Variants in SORCS2 observed in about 807,000 individuals in gnomAD.
SORCS2 encodes the protein sortilin related VPS10 domain containing receptor 2.
A neutral mutation model predicts 141.6 loss-of-function variants in SORCS2; 100 were observed. The observed-to-expected ratio is 0.71, with a 90% confidence interval of 0.60 to 0.83. The LOEUF (loss-of-function observed/expected upper bound fraction) is 0.83, where lower values mean the gene tolerates loss of function less well. SORCS2 is among the 40% of genes least tolerant of loss of function. The probability of loss-of-function intolerance (pLI) is 0.00; values close to 1 mark genes in which losing one functional copy is unlikely to be tolerated. For missense variants in SORCS2, 1,646 were observed against 1,560.2 expected, an observed-to-expected ratio of 1.05 and a Z score of -0.93; for synonymous variants, 789 against 676.9, an observed-to-expected ratio of 1.17 and a Z score of -2.57.
At chr4:7,302,754 G>T (rs1445104302) in intron 1 of SORCS2, among the ~76,000 whole-genome samples, 1 of 97,466 alleles carries the variant, frequency 1.0e-5, no homozygotes, top group African/African-American at 3.2e-5. Context: ...CCGGCATCTA[G>T]TAGACAGTCC....
intron 19 of SORCS2, among the ~76,000 whole-genome samples, chr4:7,724,150 G>GGTGATGGTGATGGTGGTGATA (rs1553808164): frequency 2.1e-4 from 29 of 135,394 alleles, no homozygotes; most frequent in African/African-American, 9.3e-4. Flanking sequence ...TGATGGTCGT[G>GGTGATGGTGATGGTGGTGATA]GTGGTGGTGG....
At chr4:7,724,852 AGTG>A in intron 19 of SORCS2, among the ~76,000 whole-genome samples, 1 of 68,842 alleles carries the variant, frequency 1.5e-5, no homozygotes, top group African/African-American at 6.5e-5. Context: ...TGATGGTGGT[AGTG>A]GTGATGGTGG....
rs373567367 is a variant in SORCS2 at position 7,737,108 on chromosome 4, C to T, written c.3351C>T (p.Asn1117=). Reference sequence around the variant, plus strand: ...GGACCGTGTACGCCCAAATGCACAACGAGAAGGAGCAGGAGATGACCAGCC... The same window carrying T: ...GGACCGTGTACGCCCAAATGCACAATGAGAAGGAGCAGGAGATGACCAGCC... ...PGRTVYAQMH[N]EKEQEMTSPV... is the part of the protein sequence containing the mutation. Residue 1117 remains asparagine (N), a synonymous_variant, in exon 26 of 27, where the codon AAC becomes AAT. Transcript: ENST00000507866. 142 of 1,551,290 alleles carry T rather than the reference C, an allele frequency of 9.2e-5. 1 individual carries two copies. The highest frequency in any genetic ancestry group is 1.1e-4 in the Non-Finnish European group (131 of 1,146,938).
At position 7,697,286 on chromosome 4, in the gene SORCS2, G is replaced by T. The variant is rs1724773476; in HGVS notation, c.1668+12G>T. The T allele has an allele frequency of 6.3e-7, 1 of 1,576,814 alleles. No individual in the cohort carries two copies. Among genetic ancestry groups the T allele is most frequent in the South Asian group, 1.2e-5 (1 of 85,640 alleles). ...ACACCTGGCGGCAGGTAAGCTGGCT[G>T]GGAGGTGCCTGGTACCCCCCACCCC... On this transcript the variant is annotated intron_variant, in intron 12 of 26. Transcript: ENST00000507866.
At chr4:7,260,853 G>C (rs527877918) in intron 1 of SORCS2, among the ~76,000 whole-genome samples, 2 of 152,190 alleles carry the variant, frequency 1.3e-5, no homozygotes, top group Non-Finnish European at 2.9e-5. Context: ...GCTGCTGCTC[G>C]TGTTCTTACA....
At chr4:7,355,598 G>A (rs767382656) in intron 1 of SORCS2, among the ~76,000 whole-genome samples, 13 of 152,188 alleles carry the variant, frequency 8.5e-5, no homozygotes, top group South Asian at 6.2e-4. Context: ...GTGTGGGTCC[G>A]AGGGAGAGAG....
chr4:7,280,321 A>G (rs1394025794), intron 1 of SORCS2, among the ~76,000 whole-genome samples: 1 of 152,214 alleles, frequency 6.6e-6, no homozygotes, highest in Non-Finnish European at 1.5e-5. Flanking sequence ...ATTTAAAAAA[A>G]TGACTGCACT....
At chr4:7,359,195 C>T (rs1577442555) in intron 1 of SORCS2, among the ~76,000 whole-genome samples, 1 of 152,192 alleles carries the variant, frequency 6.6e-6, no homozygotes, top group Admixed American at 6.5e-5. Context: ...ACTCAGGAGG[C>T]TGAGGCAGGA....
rs1276140599 is a variant in SORCS2 at position 7,648,150 on chromosome 4, G to C, written c.814-5984G>C. Among the ~76,000 whole-genome samples the C allele has an allele frequency of 6.6e-6, 1 of 151,826 alleles. No homozygotes were observed. Among genetic ancestry groups the C allele is most frequent in the Non-Finnish European group, 1.5e-5 (1 of 67,986 alleles). On this transcript the variant is annotated intron_variant, in intron 4 of 26. Coordinates refer to ENST00000507866, the MANE Select transcript of SORCS2 (RefSeq NM_020777.3). The surrounding 1 kb of genome is among the most constrained non-coding windows in gnomAD (Gnocchi z 4.2). ...TGGGATTGTGGTTGCAGGACCTGGT[G>C]GATGGTGGGAAGGAGGGAGGCCATT...
Position 7,601,826 on chromosome 4 carries a change from A to G in SORCS2, c.649-36502A>G, listed in dbSNP as rs566727544. Among the ~76,000 whole-genome samples the G allele has an allele frequency of 1.2e-4, 19 of 152,258 alleles. 1 individual carries two copies. In the South Asian group the frequency reaches 3.9e-3, roughly 32 times the overall value. Reference sequence around the variant, plus strand: ...GGCGGAGGACCCTGCCGCCTTCCGCAGTGTTTGTGTCCCTGAGTATGTGAG... The same window carrying G: ...GGCGGAGGACCCTGCCGCCTTCCGCGGTGTTTGTGTCCCTGAGTATGTGAG... On this transcript the variant is annotated intron_variant, in intron 3 of 26. Transcript: ENST00000507866.
chr4:7,431,370 C>T (rs933216906), intron 2 of SORCS2: 12 of 152,264 alleles, frequency 7.9e-5, no homozygotes, highest in African/African-American at 2.9e-4. Context: ...TGGCGCTTGC[C>T]CTCTCCCGGC....
intron 1 of SORCS2, among the ~76,000 whole-genome samples, chr4:7,319,136 A>G (rs1319695769): frequency 6.6e-6 from 1 of 151,976 alleles, no homozygotes; most frequent in Non-Finnish European, 1.5e-5. Context: ...CATATTCAGC[A>G]TTTAGGCTGT....
chr4:7,269,580 C>A (rs373443764), intron 1 of SORCS2, among the ~76,000 whole-genome samples: 2 of 152,188 alleles, frequency 1.3e-5, no homozygotes, highest in African/African-American at 4.8e-5. Flanking sequence ...ATTCGTCACA[C>A]GAAGGAGAAG....
intron 2 of SORCS2, among the ~76,000 whole-genome samples, chr4:7,458,598 A>G (rs1729073819): frequency 6.6e-6 from 1 of 152,178 alleles, no homozygotes; most frequent in East Asian, 1.9e-4. Flanking sequence ...ACCTTTGCCT[A>G]ATGAGATTGA....
At position 7,447,018 on chromosome 4, in the gene SORCS2, G is replaced by A. The variant is rs76348762; in HGVS notation, c.548+50663G>A. On this transcript the variant is annotated intron_variant, in intron 2 of 26. Transcript: ENST00000507866. ...CACCCCACTGTGCTGAGATACATCC[G>A]GGGCTGGCTCTCCCAGCACAGAGAA... is the stretch of plus-strand genomic sequence containing the variant. Among the ~76,000 whole-genome samples the A allele has an allele frequency of 9.9e-3, 1,506 of 152,318 alleles. 28 individuals are homozygous for A. The highest frequency in any genetic ancestry group is 0.049 in the Admixed American group (746 of 15,306).
At chr4:7,396,681 T>A (rs1429208296) in intron 2 of SORCS2, among the ~76,000 whole-genome samples, 1 of 152,202 alleles carries the variant, frequency 6.6e-6, no homozygotes, top group East Asian at 1.9e-4. Flanking sequence ...AGTGCACAAT[T>A]TCCCTTCACT....
At chr4:7,532,735 G>A (rs555906449) in intron 3 of SORCS2, among the ~76,000 whole-genome samples, 202 of 152,256 alleles carry the variant, frequency 1.3e-3, no homozygotes, top group Non-Finnish European at 2.4e-3. Flanking sequence ...GCCTTGATTG[G>A]GCCGTCTCGG....
chr4:7,192,652 G>A lies in SORCS2; in HGVS notation c.6G>A (p.Ala2=). The A allele has an allele frequency of 1.0e-6, 1 of 987,308 alleles. No individual in the cohort carries two copies. The highest frequency in any genetic ancestry group is 1.2e-6 in the Non-Finnish European group (1 of 832,386). 61.2% of individuals were successfully genotyped at this position (987,308 alleles called of 1,614,324 possible). M[A]HRGPSRASKG... ...CGCTGCCGCCCCTGGCGACCATGGC[G>A]CACCGGGGGCCCTCGCGCGCCTCGA... The change falls in exon 1 of 27, where the codon GCG becomes GCA. Residue 2 remains alanine (A), a synonymous_variant. Coordinates refer to ENST00000507866, the MANE Select transcript of SORCS2 (RefSeq NM_020777.3). The surrounding 1 kb of genome is among the most constrained non-coding windows in gnomAD (Gnocchi z 4.0).
At chr4:7,288,145 A>T (rs1253026721) in intron 1 of SORCS2, among the ~76,000 whole-genome samples, 1 of 152,174 alleles carries the variant, frequency 6.6e-6, no homozygotes, top group African/African-American at 2.4e-5. Flanking sequence ...TGCTTAATGA[A>T]GGAGTTAATC....
Sources: allele counts gnomAD v4.1 joint callset (sites outside exome capture counted in the v4.1 genomes callset), GRCh38; gene constraint gnomAD v4.1.1; non-coding constraint Gnocchi (gnomAD v3.1); transcripts MANE v1.5; gene names NCBI Gene and HGNC (gene_info 2026-07-23, HGNC 2026-07-21).